Variants in SLC6A13 observed in about 807,000 individuals in gnomAD.
The protein encoded by SLC6A13 is sodium- and chloride-dependent GABA transporter 2.
In SLC6A13, 69 loss-of-function variants were observed where a neutral mutation model predicts 72.9. That is an observed-to-expected ratio of 0.95 (90% CI 0.78 to 1.16). The LOEUF (loss-of-function observed/expected upper bound fraction) is 1.16. Ranked by LOEUF, SLC6A13 falls within the 50% of genes most tolerant of loss-of-function variation. The pLI, the probability that SLC6A13 is intolerant of heterozygous loss-of-function variation, is 0.00. For synonymous variants in SLC6A13, 303 were observed against 303.0 expected (o/e 1.00, Z 0.00); for missense variants, 735 against 760.5 (o/e 0.97, Z 0.39).
chr12:234,155 G>A (rs558284646), intron 7 of SLC6A13, among the ~76,000 whole-genome samples: 3 of 152,284 alleles, frequency 2.0e-5, no homozygotes, highest in Non-Finnish European at 2.9e-5. Flanking sequence ...CGCCCAGGAG[G>A]CAGAGGCAGG....
intron 9 of SLC6A13, 144 bp downstream of exon 9, chr12:226,243 TCCG>T: frequency 1.1e-6 from 1 of 927,628 alleles, no homozygotes; most frequent in East Asian, 2.5e-5. Context: ...GTTTCAATTC[TCCG>T]CCAAGTCTTC....
intron 5 of SLC6A13, among the ~76,000 whole-genome samples, 199 bp downstream of exon 5, chr12:237,727 C>A (rs1941991272): frequency 6.6e-6 from 1 of 152,200 alleles, no homozygotes; most frequent in African/African-American, 2.4e-5. Context: ...GAAGGCCAGG[C>A]ACAGCCCCAG....
chr12:246,382 G>T (rs948446725), intron 2 of SLC6A13, among the ~76,000 whole-genome samples: 1 of 152,092 alleles, frequency 6.6e-6, no homozygotes, highest in African/African-American at 2.4e-5. Context: ...ACCAGGTCTG[G>T]TATTCAATCG....
intron 2 of SLC6A13, among the ~76,000 whole-genome samples, chr12:252,068 A>G (rs1222144539): frequency 2.6e-5 from 4 of 152,276 alleles, no homozygotes; most frequent in African/African-American, 4.8e-5. Flanking sequence ...GTTAGAATAT[A>G]TGAAGATACC....
At chr12:232,539 C>A (rs191434487) in intron 7 of SLC6A13, among the ~76,000 whole-genome samples, 1 of 152,332 alleles carries the variant, frequency 6.6e-6, no homozygotes, top group Admixed American at 6.5e-5. Flanking sequence ...GGCTGCACAA[C>A]CTTAGGCCAC....
Position 227,552 on chromosome 12 carries a change from C to A in SLC6A13, c.935+13G>T, listed in dbSNP as rs370019196. On this transcript the variant is annotated intron_variant, in intron 8 of 14. Transcript: ENST00000343164. ...ATGCAGGTGTGTGGCTCAGGCCCCACGCCCCCAATCACCTGTAGCAGTTGT... is the reference window on the plus strand; with the variant it reads ...ATGCAGGTGTGTGGCTCAGGCCCCAAGCCCCCAATCACCTGTAGCAGTTGT... 1 of 1,613,610 alleles carries A rather than the reference C, an allele frequency of 6.2e-7. No homozygotes were observed. Among genetic ancestry groups the A allele is most frequent in the South Asian group, 1.1e-5 (1 of 91,068 alleles).
At chr12:221,779 A>C (rs950859441) in intron 13 of SLC6A13, among the ~76,000 whole-genome samples, 4 of 152,220 alleles carry the variant, frequency 2.6e-5, no homozygotes, top group Admixed American at 6.5e-5. Flanking sequence ...CTCTACGTGC[A>C]GCTGACTCCC....
chr12:262,151 C>T (rs1248217815), intron 1 of SLC6A13, among the ~76,000 whole-genome samples: 1 of 152,108 alleles, frequency 6.6e-6, no homozygotes, highest in African/African-American at 2.4e-5. Context: ...CCTTCTCCAC[C>T]CTCCCAGACC....
chr12:236,491 G>A (rs1182199144), intron 6 of SLC6A13, among the ~76,000 whole-genome samples: 1 of 152,222 alleles, frequency 6.6e-6, no homozygotes, highest in African/African-American at 2.4e-5. Flanking sequence ...TATCCCTTGA[G>A]CCACAGCCTC....
At chr12:230,565 T>C (rs2137268744) in intron 7 of SLC6A13, among the ~76,000 whole-genome samples, 1 of 152,212 alleles carries the variant, frequency 6.6e-6, no homozygotes, top group East Asian at 1.9e-4. Context: ...CATAAATAAA[T>C]ATTAGTTTCC....
At chr12:252,808 G>A (rs1211117867) in intron 2 of SLC6A13, among the ~76,000 whole-genome samples, 1 of 152,242 alleles carries the variant, frequency 6.6e-6, no homozygotes, top group Admixed American at 6.5e-5. Context: ...TATAAACCAA[G>A]CCAATGTTTA....
intron 1 of SLC6A13, among the ~76,000 whole-genome samples, chr12:260,440 T>C (rs1274399042): frequency 6.6e-6 from 1 of 152,246 alleles, no homozygotes; most frequent in African/African-American, 2.4e-5. Context: ...TTACTCTGTA[T>C]GCTGGGACAC....
rs115783661 is a variant in SLC6A13, at chr12:258,405, C to T, written c.202+1446G>A. ...ATCATTGTGAGACTCAAGCTGGATG[C>T]GTTCGGCAGCTCTTACTCACCTGCA... On this transcript the variant is annotated intron_variant, in intron 2 of 14. Transcript: ENST00000343164. 2.5e-3 allele frequency among the ~76,000 whole-genome samples: 381 copies of T among 152,292 alleles called. 2 individuals are homozygous for T. Among genetic ancestry groups the T allele is most frequent in the African/African-American group, 8.8e-3 (364 of 41,568 alleles).
At chr12:259,414 A>C (rs1942855127) in intron 2 of SLC6A13, 1 of 1,079,428 alleles carries the variant, frequency 9.3e-7, no homozygotes, top group Admixed American at 4.7e-5. Context: ...TTTGGTTATC[A>C]ACGTCATCAT....
rs116358772 is a variant in SLC6A13 at position 221,369 on chromosome 12, G to A, written c.1686+7C>T. ...TCTGGCTGCTTTCCTGCCCGCAAAGGCCCTACCTCTCTGAAGGGGCCCTTG... is the reference window on the plus strand; with the variant it reads ...TCTGGCTGCTTTCCTGCCCGCAAAGACCCTACCTCTCTGAAGGGGCCCTTG... On this transcript the variant is annotated splice_region_variant and intron_variant, in intron 14 of 14. Transcript: ENST00000343164. 1.1e-3 allele frequency: 1,746 copies of A among 1,583,380 alleles called. 20 individuals carry two copies. The African/African-American group carries it at 0.021, about 19-fold the overall frequency.
chr12:226,330 G>A (rs866403465), intron 9 of SLC6A13, 60 bp downstream of exon 9: 44 of 1,606,632 alleles, frequency 2.7e-5, no homozygotes, highest in East Asian at 9.0e-5. Context: ...GCCTCTAGAC[G>A]CTTGCTGCCA....
chr12:257,675 T>C (rs1379351329), intron 2 of SLC6A13, among the ~76,000 whole-genome samples: 1 of 151,802 alleles, frequency 6.6e-6, no homozygotes, highest in Non-Finnish European at 1.5e-5. Context: ...CAAGACACAG[T>C]CAACACGTTC....
chr12:262,667 C>G (rs1026082557), intron 1 of SLC6A13, 122 bp downstream of exon 1: 1 of 984,792 alleles, frequency 1.0e-6, no homozygotes. Flanking sequence ...ACATACATGT[C>G]AGAAGCGTAC....
In SLC6A13 at chr12:243,823, G is replaced by A; in HGVS notation, c.203-10C>T. The A allele has an allele frequency of 6.2e-7, 1 of 1,612,828 alleles. No homozygotes were observed. The highest frequency in any genetic ancestry group is 1.1e-5 in the South Asian group (1 of 90,858). ...GGGATGAAGAAGGCACCTGTGGTTA[G>A]AAAACAGGCTGTTCATTTCCTGGGA... is the stretch of plus-strand genomic sequence containing the variant. On this transcript the variant is annotated splice_polypyrimidine_tract_variant and intron_variant, in intron 2 of 14. Coordinates refer to ENST00000343164, the MANE Select transcript of SLC6A13 (RefSeq NM_016615.5).
Sources: allele counts gnomAD v4.1 joint callset (sites outside exome capture counted in the v4.1 genomes callset), GRCh38; gene constraint gnomAD v4.1.1; transcripts MANE v1.5; gene names NCBI Gene and HGNC (gene_info 2026-07-23, HGNC 2026-07-21).